Variants in MPP7 observed in about 807,000 individuals in gnomAD.
MPP7 encodes the protein MAGUK p55 subfamily member 7.
MPP7 carries 60 observed loss-of-function variants against 76.5 expected under a neutral mutation model. The observed-to-expected ratio is 0.78, with a 90% CI of 0.64 to 0.97. The LOEUF is 0.97. Ranked by LOEUF, MPP7 falls within the 50% of genes least tolerant of loss-of-function variation. The pLI, the probability that MPP7 is intolerant of heterozygous loss-of-function variation, is 0.00. For missense variants in MPP7, 641 were observed against 694.0 expected (o/e 0.92, Z 0.86); for synonymous variants, 237 against 244.5 (o/e 0.97, Z 0.29).
chr10:28,333,337 G>T (rs941753544), intron 1 of MPP7, among the ~76,000 whole-genome samples: 1 of 152,070 alleles, frequency 6.6e-6, no homozygotes, highest in African/African-American at 2.4e-5. Context: ...GTAGAGACAG[G>T]GTTTTGCCAT....
chr10:28,253,067 C>G (rs919131438), intron 1 of MPP7, among the ~76,000 whole-genome samples: 10 of 152,066 alleles, frequency 6.6e-5, no homozygotes, highest in Admixed American at 6.6e-4. Flanking sequence ...ACCACCATGC[C>G]CAACTAATTT....
intron 15 of MPP7, among the ~76,000 whole-genome samples, chr10:28,057,097 T>C (rs1851585290): frequency 6.6e-6 from 1 of 152,184 alleles, no homozygotes; most frequent in Non-Finnish European, 1.5e-5. Flanking sequence ...TTCTATACTC[T>C]ATACTTCTGG....
intron 3 of MPP7, among the ~76,000 whole-genome samples, chr10:28,173,120 G>A (rs538141808): frequency 3.3e-5 from 5 of 152,076 alleles, no homozygotes; most frequent in African/African-American, 1.2e-4. Flanking sequence ...AAAAGTAGTG[G>A]TTCCCCAGAC....
intron 3 of MPP7, among the ~76,000 whole-genome samples, chr10:28,190,209 A>G (rs533991020): frequency 2.6e-5 from 4 of 152,226 alleles, no homozygotes; most frequent in Non-Finnish European, 5.9e-5. Flanking sequence ...AAATGCATGA[A>G]GTCACTATTA....
In MPP7 at chr10:28,240,239, C is replaced by A. The variant is rs571936057; in HGVS notation, c.-131-1504G>T. On this transcript the variant is annotated intron_variant, in intron 1 of 16. Coordinates refer to ENST00000683449, the MANE Select transcript of MPP7 (RefSeq NM_001318170.2). Reference sequence around the variant, plus strand: ...ACATATATTAACAACAACAAAAAAACATTGGAAACACTGGAAAGACTGGTT... The same window carrying A: ...ACATATATTAACAACAACAAAAAAAAATTGGAAACACTGGAAAGACTGGTT... 1.6e-4 allele frequency among the ~76,000 whole-genome samples: 24 copies of A among 152,144 alleles called. No individual in the cohort carries two copies. In the East Asian group the frequency reaches 4.4e-3, roughly 28 times the overall value.
At chr10:28,162,894 C>G (rs1488566646) in intron 3 of MPP7, among the ~76,000 whole-genome samples, 1 of 152,014 alleles carries the variant, frequency 6.6e-6, no homozygotes, top group African/African-American at 2.4e-5. Flanking sequence ...TCTCTCATAT[C>G]TCTGCTTCCA....
chr10:28,266,501 T>C (rs1840154051), intron 1 of MPP7, among the ~76,000 whole-genome samples: 2 of 152,080 alleles, frequency 1.3e-5, no homozygotes, highest in Non-Finnish European at 1.5e-5. Flanking sequence ...ACTCAGGAGT[T>C]GGAGGCTGCA....
intron 12 of MPP7, among the ~76,000 whole-genome samples, chr10:28,080,137 AG>A (rs1852693590): frequency 6.6e-6 from 1 of 151,946 alleles, no homozygotes; most frequent in Non-Finnish European, 1.5e-5. Flanking sequence ...AGAAGAGAAA[AG>A]AAAAGAAGGA....
intron 2 of MPP7, among the ~76,000 whole-genome samples, chr10:28,205,955 T>C (rs1303302495): frequency 6.6e-6 from 1 of 152,138 alleles, no homozygotes; most frequent in African/African-American, 2.4e-5. Flanking sequence ...TATATGAAGG[T>C]GAGTCAGTCT....
chr10:28,230,310 T>C (rs1838838066), intron 2 of MPP7, among the ~76,000 whole-genome samples: 1 of 151,918 alleles, frequency 6.6e-6, no homozygotes, highest in African/African-American at 2.4e-5. Flanking sequence ...GAAAATACTC[T>C]AGTTAAAAGC....
intron 2 of MPP7, among the ~76,000 whole-genome samples, chr10:28,315,454 G>A (rs767223515): frequency 6.6e-5 from 10 of 152,008 alleles, no homozygotes; most frequent in African/African-American, 1.2e-4. Flanking sequence ...CCCCCTTTTC[G>A]AGCTGGCATG....
At chr10:28,235,848 G>C (rs2134130824) in intron 2 of MPP7, among the ~76,000 whole-genome samples, 1 of 152,248 alleles carries the variant, frequency 6.6e-6, no homozygotes, top group South Asian at 2.1e-4. Context: ...TGACTGACCA[G>C]AAGAAATGAT....
Position 28,068,895 on chromosome 10 carries a change from G to C in MPP7, c.1204+877C>G, listed in dbSNP as rs562110665. 2.8e-4 allele frequency among the ~76,000 whole-genome samples: 43 copies of C among 152,270 alleles called. 1 individual carries two copies. The South Asian group carries it at 8.3e-3, about 29-fold the overall frequency. On this transcript the variant is annotated intron_variant, in intron 13 of 16. Coordinates refer to ENST00000683449, the MANE Select transcript of MPP7 (RefSeq NM_001318170.2). ...ACTAAAATTCATCATAAAAACCTAA[G>C]AGTAGGGAAGCTGTGATTAACAAAT...
chr10:28,069,238 T>TA (rs1332787290), intron 13 of MPP7, among the ~76,000 whole-genome samples: 1 of 152,186 alleles, frequency 6.6e-6, no homozygotes, highest in Non-Finnish European at 1.5e-5. Context: ...GTTTGTAACT[T>TA]AAAGGATAAA....
intron 1 of MPP7, among the ~76,000 whole-genome samples, chr10:28,286,132 C>T (rs938501292): frequency 6.6e-6 from 1 of 152,072 alleles, no homozygotes; most frequent in Non-Finnish European, 1.5e-5. Context: ...ATCACAAGGT[C>T]AGGAGTTCGA....
At chr10:28,315,756 A>G (rs1260768224) in intron 2 of MPP7, among the ~76,000 whole-genome samples, 2 of 152,216 alleles carry the variant, frequency 1.3e-5, no homozygotes, top group Non-Finnish European at 2.9e-5. Flanking sequence ...GTGGCTGCCC[A>G]TAGTGACCTC....
intron 2 of MPP7, among the ~76,000 whole-genome samples, chr10:28,323,495 G>A (rs1013140169): frequency 1.3e-5 from 2 of 151,786 alleles, no homozygotes; most frequent in African/African-American, 4.8e-5. Context: ...GCCAAAACCG[G>A]GCTTTGTTTT....
chr10:28,264,376 G>A (rs763087215), intron 1 of MPP7, among the ~76,000 whole-genome samples: 2 of 151,912 alleles, frequency 1.3e-5, no homozygotes, highest in African/African-American at 4.8e-5. Context: ...GGAATGACTG[G>A]CAAAAAAATA....
In MPP7 at chr10:28,112,908, G is replaced by A. The variant is rs187576008; in HGVS notation, c.952+6743C>T. On this transcript the variant is annotated intron_variant, in intron 11 of 16. Coordinates refer to ENST00000683449, the MANE Select transcript of MPP7 (RefSeq NM_001318170.2). ...GCTTTGGCATCCATTGTGAATGCAG[G>A]CTTAACTTTCTCATATCAGAAACAG... 1.7e-4 allele frequency among the ~76,000 whole-genome samples: 26 copies of A among 152,214 alleles called. No homozygotes were observed. The East Asian group carries it at 4.1e-3, about 24-fold the overall frequency.
Sources: gnomAD v4.1 joint callset for allele counts (sites outside exome capture counted in the v4.1 genomes callset) on GRCh38, gnomAD v4.1.1 for gene constraint, MANE v1.5 for transcripts, NCBI Gene and HGNC (gene_info 2026-07-23, HGNC 2026-07-21) for gene names.